Variants in CCSER1 observed in about 807,000 individuals in gnomAD.
CCSER1 encodes the protein coiled-coil serine rich protein 1.
Under a neutral mutation model 82.0 loss-of-function variants are expected in CCSER1, and 41 were observed. The ratio of observed to expected loss-of-function variants is 0.50; its 90% CI spans 0.39 to 0.65. The LOEUF (loss-of-function observed/expected upper bound fraction) is 0.65. Ranked by LOEUF, CCSER1 falls within the 30% of genes least tolerant of loss-of-function variation. CCSER1 has a pLI of 0.00. For missense variants in CCSER1, 1,119 were observed against 1,064.2 expected (o/e 1.05, Z -0.72); for synonymous variants, 414 against 383.9 (o/e 1.08, Z -0.92).
chr4:90,933,389 G>A (rs1234353344), intron 9 of CCSER1, among the ~76,000 whole-genome samples: 3 of 151,534 alleles, frequency 2.0e-5, no homozygotes, highest in African/African-American at 4.8e-5. Context: ...GGGTTTCACC[G>A]TGTTAGCCAG....
intron 10 of CCSER1, among the ~76,000 whole-genome samples, chr4:91,146,818 C>T (rs1251687992): frequency 1.3e-5 from 2 of 152,078 alleles, no homozygotes; most frequent in Admixed American, 1.3e-4. Flanking sequence ...TAGACTGTGA[C>T]TTAGTAAATG....
chr4:90,643,076 A>G (rs1181482399), intron 6 of CCSER1, among the ~76,000 whole-genome samples: 4 of 152,196 alleles, frequency 2.6e-5, no homozygotes, highest in Admixed American at 1.3e-4. Context: ...TTTAAAAAAA[A>G]TAATGATTTC....
chr4:91,468,932 CA>C (rs1757108801), intron 10 of CCSER1, among the ~76,000 whole-genome samples: 1 of 151,986 alleles, frequency 6.6e-6, no homozygotes, highest in African/African-American at 2.4e-5. Context: ...GATATTAGGC[CA>C]AAATTCAATC....
chr4:90,266,718 T>C (rs1242644443), intron 1 of CCSER1, among the ~76,000 whole-genome samples: 2 of 152,030 alleles, frequency 1.3e-5, no homozygotes, highest in Middle Eastern at 3.4e-3. Flanking sequence ...CTGGTACCCA[T>C]GGAGGGAGCA....
chr4:91,046,248 T>C (rs2148696485), intron 9 of CCSER1, among the ~76,000 whole-genome samples: 1 of 152,156 alleles, frequency 6.6e-6, no homozygotes, highest in South Asian at 2.1e-4. Flanking sequence ...AACCTAATGT[T>C]GTCATCCTTT....
chr4:90,364,874 A>G (rs894713860), intron 3 of CCSER1, among the ~76,000 whole-genome samples: 2 of 151,970 alleles, frequency 1.3e-5, no homozygotes, highest in Admixed American at 6.6e-5. Context: ...TGAAACAAAA[A>G]ATTATAAACT....
In CCSER1 at chr4:90,872,158, T is replaced by C. The variant is rs76694901; in HGVS notation, c.2095-51212T>C. Reference sequence around the variant, plus strand: ...CTTTTGATTGGAGAGTTTAGTCCATTTGGATTCAATGTTATTAATAAGTAA... The same window carrying C: ...CTTTTGATTGGAGAGTTTAGTCCATCTGGATTCAATGTTATTAATAAGTAA... On this transcript the variant is annotated intron_variant, in intron 8 of 10. Coordinates refer to ENST00000509176, the MANE Select transcript of CCSER1 (RefSeq NM_001145065.2). 4.9e-4 allele frequency among the ~76,000 whole-genome samples: 75 copies of C among 152,002 alleles called. 1 individual carries two copies. In the East Asian group the frequency reaches 0.012, roughly 25 times the overall value.
In CCSER1 at chr4:91,123,753, A is replaced by G. The variant is rs58865348; in HGVS notation, c.2217+37759A>G. 4.3e-3 allele frequency among the ~76,000 whole-genome samples: 658 copies of G among 151,944 alleles called. 6 individuals are homozygous for G. Among genetic ancestry groups the G allele is most frequent in the African/African-American group, 0.015 (617 of 41,538 alleles). On this transcript the variant is annotated intron_variant, in intron 10 of 10. Coordinates refer to ENST00000509176, the MANE Select transcript of CCSER1 (RefSeq NM_001145065.2). ...CATTAGTTGAAGGGAGTTTAAGTTC[A>G]GTATTTAATTTTGTCACTATAACAA...
intron 10 of CCSER1, among the ~76,000 whole-genome samples, chr4:91,330,117 C>T (rs909413737): frequency 2.0e-5 from 3 of 152,076 alleles, no homozygotes; most frequent in African/African-American, 7.2e-5. Flanking sequence ...TATTTTACTT[C>T]CCTCTAAGTA....
chr4:91,041,924 T>C (rs1741992594), intron 9 of CCSER1, among the ~76,000 whole-genome samples: 1 of 152,180 alleles, frequency 6.6e-6, no homozygotes, highest in South Asian at 2.1e-4. Flanking sequence ...ACATCTGAGG[T>C]CCACTTGTTA....
At chr4:91,502,232 A>G (rs917405561) in intron 10 of CCSER1, among the ~76,000 whole-genome samples, 4 of 152,158 alleles carry the variant, frequency 2.6e-5, no homozygotes, top group Admixed American at 6.5e-5. Context: ...TAAAGAGAGG[A>G]GAAAGTACTT....
At chr4:90,353,809 C>G (rs114149347) in intron 3 of CCSER1, among the ~76,000 whole-genome samples, 1,709 of 152,280 alleles carry the variant, frequency 0.011, 30 homozygotes, top group African/African-American at 0.04. Context: ...CTAGGTGGTA[C>G]TGGCCGGAGG....
chr4:90,644,095 C>G (rs993730494), intron 6 of CCSER1, among the ~76,000 whole-genome samples: 2 of 152,094 alleles, frequency 1.3e-5, no homozygotes, highest in South Asian at 2.1e-4. Flanking sequence ...TGCAGAGATT[C>G]TTTTGCTAGT....
chr4:90,969,893 T>C (rs2150395676), intron 9 of CCSER1, among the ~76,000 whole-genome samples: 1 of 150,332 alleles, frequency 6.7e-6, no homozygotes, highest in Non-Finnish European at 1.5e-5. Context: ...TTATACAATA[T>C]AAAAAGAAGA....
At chr4:90,333,997 T>C (rs1272221877) in intron 3 of CCSER1, among the ~76,000 whole-genome samples, 1 of 152,186 alleles carries the variant, frequency 6.6e-6, no homozygotes, top group Non-Finnish European at 1.5e-5. Context: ...ATCTATTGAA[T>C]GTAGTAATCT....
At chr4:91,503,144 C>T (rs1039752556) in intron 10 of CCSER1, among the ~76,000 whole-genome samples, 25 of 151,954 alleles carry the variant, frequency 1.6e-4, no homozygotes, top group African/African-American at 5.8e-4. Context: ...AGATCGAGAC[C>T]ATCCTGGCTA....
chr4:91,364,582 A>T (rs1316666024), intron 10 of CCSER1, among the ~76,000 whole-genome samples: 1 of 152,078 alleles, frequency 6.6e-6, no homozygotes, highest in Non-Finnish European at 1.5e-5. Flanking sequence ...ATATTATATG[A>T]AGAGTTAATT....
At chr4:90,629,673 C>T (rs913674798) in intron 6 of CCSER1, among the ~76,000 whole-genome samples, 1 of 152,090 alleles carries the variant, frequency 6.6e-6, no homozygotes, top group Non-Finnish European at 1.5e-5. Context: ...TCTCTGTGTC[C>T]CATACAGGTT....
intron 1 of CCSER1, among the ~76,000 whole-genome samples, chr4:90,182,401 G>A (rs1285401250): frequency 6.6e-6 from 1 of 152,078 alleles, no homozygotes; most frequent in Non-Finnish European, 1.5e-5. Flanking sequence ...GTTTTTCATT[G>A]TTGTTAGCCC....
Sources: gnomAD v4.1 joint callset for allele counts (sites outside exome capture counted in the v4.1 genomes callset) on GRCh38, gnomAD v4.1.1 for gene constraint, MANE v1.5 for transcripts, NCBI Gene and HGNC (gene_info 2026-07-23, HGNC 2026-07-21) for gene names.